EHBP1: variants seen among roughly 807,000 people sequenced by gnomAD.
EHBP1 encodes the protein EH domain-binding protein 1.
Under a neutral mutation model 144.0 loss-of-function variants are expected in EHBP1, and 55 were observed. That is an observed-to-expected ratio of 0.38 (90% CI 0.31 to 0.48). The LOEUF (loss-of-function observed/expected upper bound fraction) is 0.48, where lower values mean the gene tolerates loss of function less well. Ranked by LOEUF, EHBP1 falls within the 20% of genes least tolerant of loss-of-function variation. EHBP1 has a pLI of 0.98. For missense variants in EHBP1, 1,200 were observed against 1,364.2 expected (o/e 0.88, Z 1.90); for synonymous variants, 469 against 472.7 (o/e 0.99, Z 0.10).
chr2:62,773,689 A>G, intron 5 of EHBP1, among the ~76,000 whole-genome samples: 1 of 151,692 alleles, frequency 6.6e-6, no homozygotes, highest in East Asian at 2.0e-4. Context: ...TCTTTACTAA[A>G]AATACAAAAC....
intron 1 of EHBP1, among the ~76,000 whole-genome samples, chr2:62,698,520 C>T (rs75257772): frequency 0.017 from 2,646 of 152,302 alleles, 86 homozygotes; most frequent in African/African-American, 0.061. Context: ...GAAGATTGAA[C>T]TATGGCACAA....
chr2:62,728,700 T>G (rs1440415505), intron 2 of EHBP1, among the ~76,000 whole-genome samples: 1 of 152,078 alleles, frequency 6.6e-6, no homozygotes, highest in East Asian at 1.9e-4. Flanking sequence ...ATTTACTTTC[T>G]TGGTGGTGTT....
chr2:62,909,681 G>T (rs2054059177), intron 10 of EHBP1, among the ~76,000 whole-genome samples: 1 of 152,164 alleles, frequency 6.6e-6, no homozygotes, highest in Non-Finnish European at 1.5e-5. Context: ...ATTACTTGGG[G>T]TCTACTTTTT....
At chr2:62,772,182 G>GAGGA (rs200214707) in intron 5 of EHBP1, 5 of 145,486 alleles carry the variant, frequency 3.4e-5, no homozygotes, top group Non-Finnish European at 6.1e-5. Flanking sequence ...AGGGGGAAAG[G>GAGGA]AGGAAGGGAG....
intron 5 of EHBP1, among the ~76,000 whole-genome samples, chr2:62,797,559 C>A (rs980707469): frequency 1.3e-5 from 2 of 152,190 alleles, no homozygotes; most frequent in African/African-American, 2.4e-5. Flanking sequence ...AAGTGTACTG[C>A]TATAGTATGT....
rs547659692 is a variant in EHBP1, at chr2:62,879,268, A to C, written c.1185+4736A>C. Among the ~76,000 whole-genome samples, 7 of 152,240 alleles carry C rather than the reference A, an allele frequency of 4.6e-5. No homozygotes were observed. In the South Asian group the frequency reaches 1.5e-3, roughly 32 times the overall value. On this transcript the variant is annotated intron_variant, in intron 10 of 22. Coordinates refer to ENST00000431489, the MANE Select transcript of EHBP1 (RefSeq NM_001142616.3). Reference sequence around the variant, plus strand: ...CCCACTGTCACCACTCCTATTCAACATAGTACTGGAAGTCCTAGCCAGAGC... The same window carrying C: ...CCCACTGTCACCACTCCTATTCAACCTAGTACTGGAAGTCCTAGCCAGAGC...
At chr2:62,944,424 T>G (rs2056949465) in intron 12 of EHBP1, among the ~76,000 whole-genome samples, 1 of 152,186 alleles carries the variant, frequency 6.6e-6, no homozygotes, top group Non-Finnish European at 1.5e-5. Context: ...ACAAATACCA[T>G]TGTGTTACAA....
chr2:62,791,332 T>C (rs1452841861), intron 5 of EHBP1, among the ~76,000 whole-genome samples: 1 of 151,996 alleles, frequency 6.6e-6, no homozygotes, highest in Non-Finnish European at 1.5e-5. Flanking sequence ...TTTACTGAGG[T>C]AGATAATTTG....
At chr2:62,906,588 G>A (rs547504862) in intron 10 of EHBP1, among the ~76,000 whole-genome samples, 1 of 152,192 alleles carries the variant, frequency 6.6e-6, no homozygotes, top group South Asian at 2.1e-4. Flanking sequence ...TTTTAATTTT[G>A]AGTTAATTCT....
At chr2:62,692,750 T>C (rs1411203026) in intron 1 of EHBP1, among the ~76,000 whole-genome samples, 2 of 152,098 alleles carry the variant, frequency 1.3e-5, no homozygotes, top group African/African-American at 4.8e-5. Context: ...TTTTTTTAAT[T>C]TTTGTGGGCA....
intron 10 of EHBP1, among the ~76,000 whole-genome samples, chr2:62,932,951 C>CAAAAAAAAA (rs1163755712): frequency 2.2e-5 from 1 of 46,214 alleles, no homozygotes. Flanking sequence ...GACTCCATCT[C>CAAAAAAAAA]AAAAAAAAAA....
In EHBP1 at chr2:62,864,914, A is replaced by T; in HGVS notation, c.941A>T (p.Asp314Val). Residue 314 changes from aspartate to valine, a missense_variant, in exon 9 of 23, where the codon GAT becomes GTT. Physicochemically the swap from Asp to Val is radical, Grantham distance 152 (BLOSUM62 -3). Around this residue, in one of 6 missense-constraint regions of EHBP1, gnomAD observed 266 missense variants for 262.4 expected, o/e 1.01. Transcript: ENST00000431489. ...STKRKNIRPV[D>V]MSKYLYADSS... ...AAAAGAAAAAATATAAGACCTGTGG[A>T]TATGAGCAAGTACCTCTATGCTGAT... 6.2e-7 allele frequency: 1 copy of T among 1,614,012 alleles called. No homozygotes were observed. The highest frequency in any genetic ancestry group is 2.2e-5 in the East Asian group (1 of 44,840).
At chr2:62,952,059 A>C (rs2057421746) in intron 13 of EHBP1, among the ~76,000 whole-genome samples, 1 of 152,180 alleles carries the variant, frequency 6.6e-6, no homozygotes, top group Non-Finnish European at 1.5e-5. Flanking sequence ...TTAGCTGTGA[A>C]ACTATCATTC....
chr2:62,713,798 T>A (rs2035395319), intron 2 of EHBP1, among the ~76,000 whole-genome samples: 1 of 152,238 alleles, frequency 6.6e-6, no homozygotes, highest in Admixed American at 6.5e-5. Context: ...TAAATTGATG[T>A]TACTTGTTTG....
At chr2:62,870,698 A>G (rs1434526318) in intron 9 of EHBP1, among the ~76,000 whole-genome samples, 2 of 143,186 alleles carry the variant, frequency 1.4e-5, no homozygotes, top group African/African-American at 5.3e-5. Flanking sequence ...CCTGGGCAAC[A>G]GAGCGAGACT....
chr2:62,747,128 A>G (rs900811090), intron 2 of EHBP1, among the ~76,000 whole-genome samples: 2 of 152,046 alleles, frequency 1.3e-5, no homozygotes, highest in African/African-American at 4.8e-5. Context: ...TTTAAAATAG[A>G]CCAGTTCTAA....
intron 5 of EHBP1, among the ~76,000 whole-genome samples, chr2:62,809,841 C>T (rs1025618977): frequency 6.6e-6 from 1 of 152,118 alleles, no homozygotes; most frequent in Non-Finnish European, 1.5e-5. Context: ...TACAAAATAC[C>T]TCCAAAAAAA....
intron 5 of EHBP1, among the ~76,000 whole-genome samples, chr2:62,795,841 T>C (rs2043501652): frequency 6.6e-6 from 1 of 152,024 alleles, no homozygotes; most frequent in East Asian, 1.9e-4. Flanking sequence ...TAATAGATAA[T>C]AGCCTGAAGA....
Position 63,046,174 on chromosome 2 carries a change from C to T in EHBP1, c.*674C>T, listed in dbSNP as rs546498218. ...TTGAAGGTGAGCTGTGAGGATGGGA[C>T]TAATTGATATGCACCAGTTTACAAA... On this transcript the variant is annotated 3_prime_UTR_variant, in exon 23 of 23. Transcript: ENST00000431489. 4 of 152,752 alleles carry T rather than the reference C, an allele frequency of 2.6e-5. No homozygotes were observed. Among genetic ancestry groups the T allele is most frequent in the African/African-American group, 9.6e-5 (4 of 41,554 alleles). 9.5% of individuals were successfully genotyped at this position (152,752 alleles called of 1,614,324 possible).
Sources: allele counts gnomAD v4.1 joint callset (sites outside exome capture counted in the v4.1 genomes callset), GRCh38; gene constraint gnomAD v4.1.1; regional missense constraint gnomAD v4.1.1; transcripts MANE v1.5; gene names NCBI Gene and HGNC (gene_info 2026-07-23, HGNC 2026-07-21).